The following PIAS2 variants were observed in gnomAD, a reference collection of about 807,000 sequenced individuals.
PIAS2 encodes the protein protein inhibitor of activated STAT 2.
Under a neutral mutation model 69.7 loss-of-function variants are expected in PIAS2, and 19 were observed. The ratio of observed to expected loss-of-function variants is 0.27; its 90% CI spans 0.19 to 0.40. The LOEUF is 0.40. PIAS2 is among the 10% of genes least tolerant of loss of function. The pLI is 1.00. For missense variants in PIAS2, 624 were observed against 757.0 expected (o/e 0.82, Z 2.06); for synonymous variants, 261 against 263.2 (o/e 0.99, Z 0.08).
chr18:46,885,535 A>G (rs1009467828), intron 2 of PIAS2, among the ~76,000 whole-genome samples: 1 of 151,404 alleles, frequency 6.6e-6, no homozygotes, highest in Non-Finnish European at 1.5e-5. Flanking sequence ...AAAAAAAAAG[A>G]AAAAAAAGAG....
At chr18:46,822,791 G>A (rs969782195) in intron 11 of PIAS2, among the ~76,000 whole-genome samples, 3 of 152,156 alleles carry the variant, frequency 2.0e-5, no homozygotes, top group Admixed American at 2.0e-4. Context: ...TGGGGTATAC[G>A]TGAGTGCTGG....
At chr18:46,846,985 A>G (rs2046251541) in intron 5 of PIAS2, 144 bp from the exon 6 acceptor site, 2 of 601,384 alleles carry the variant, frequency 3.3e-6, no homozygotes. Context: ...TATGATCATT[A>G]TCAACCCAAA....
intron 1 of PIAS2, among the ~76,000 whole-genome samples, chr18:46,899,765 T>C (rs1290493603): frequency 1.3e-5 from 2 of 152,216 alleles, no homozygotes; most frequent in Non-Finnish European, 2.9e-5. Flanking sequence ...AGAATGAGTA[T>C]TAAAATCACA....
chr18:46,870,131 C>T (rs2050105006), intron 2 of PIAS2, among the ~76,000 whole-genome samples: 1 of 152,090 alleles, frequency 6.6e-6, no homozygotes, highest in Non-Finnish European at 1.5e-5. Context: ...ACGTCTGAGT[C>T]TATGCCTCCT....
At chr18:46,892,954 A>G (rs2054285780) in intron 1 of PIAS2, among the ~76,000 whole-genome samples, 1 of 152,068 alleles carries the variant, frequency 6.6e-6, no homozygotes, top group African/African-American at 2.4e-5. Context: ...TTACACTTAC[A>G]ATACATCTAA....
In PIAS2 at chr18:46,804,011, T is replaced by C. The variant is rs2040580703; in HGVS notation, c.*8422A>G. ...CCTACCCTAAACATGCACCTCCTTC[T>C]GTTTTCCTCTCTTGGTGAATGCTTA... On this transcript the variant is annotated 3_prime_UTR_variant, in exon 14 of 14. Transcript: ENST00000585916. 1 of 152,228 alleles carries C rather than the reference T, an allele frequency of 6.6e-6. No homozygotes were observed. Among genetic ancestry groups the C allele is most frequent in the Admixed American group, 6.5e-5 (1 of 15,282 alleles). 9.4% of individuals were successfully genotyped at this position (152,228 alleles called of 1,614,324 possible). A position where few individuals can be genotyped will look rare whatever the true frequency, so the allele number is the denominator to read the frequency against.
Position 46,835,837 on chromosome 18 carries a change from A to G in PIAS2, c.1202+520T>C, listed in dbSNP as rs191263279. Among the ~76,000 whole-genome samples the G allele has an allele frequency of 3.7e-4, 57 of 152,324 alleles. No individual in the cohort carries two copies. In the East Asian group the frequency reaches 0.01, roughly 27 times the overall value. On this transcript the variant is annotated intron_variant, in intron 9 of 13. Transcript: ENST00000585916. ...GATGACGTGCAATTTTTAAAAAAGT[A>G]TTATTTGAAACAAGATACTAAAAAT...
intron 11 of PIAS2, among the ~76,000 whole-genome samples, chr18:46,824,391 C>T (rs914441609): frequency 1.3e-5 from 2 of 152,126 alleles, no homozygotes; most frequent in Non-Finnish European, 2.9e-5. Flanking sequence ...TGTTTCCTGT[C>T]TTTAGAATAC....
At chr18:46,869,092 C>T (rs1315714135) in intron 2 of PIAS2, among the ~76,000 whole-genome samples, 2 of 152,190 alleles carry the variant, frequency 1.3e-5, no homozygotes, top group East Asian at 1.9e-4. Context: ...ACAAAGCAAG[C>T]GTGGAGTCTG....
intron 2 of PIAS2, among the ~76,000 whole-genome samples, chr18:46,864,678 G>A (rs1237000412): frequency 2.0e-5 from 3 of 151,334 alleles, no homozygotes; most frequent in African/African-American, 4.9e-5. Flanking sequence ...GCGGAGGCAG[G>A]AGAATCACTT....
intron 2 of PIAS2, among the ~76,000 whole-genome samples, chr18:46,889,036 C>G (rs1270483931): frequency 6.6e-6 from 1 of 152,120 alleles, no homozygotes; most frequent in Non-Finnish European, 1.5e-5. Flanking sequence ...TATCCACAAA[C>G]AAAAGAACAA....
At chr18:46,920,093 A>G (rs2058453075), upstream of PIAS2, 8 of 1,289,710 alleles carry the variant, frequency 6.2e-6, no homozygotes, top group Non-Finnish European at 8.1e-6. Flanking sequence ...CCCAGCATTC[A>G]TTCTGCCCCT....
intron 12 of PIAS2, chr18:46,816,339 A>G (rs1205578470): frequency 8.3e-6 from 8 of 961,072 alleles, no homozygotes; most frequent in Non-Finnish European, 3.7e-6. Context: ...ATTTAAGTAT[A>G]TTTATTCTCT....
chr18:46,900,922 C>T (rs544216476), intron 1 of PIAS2: 8 of 280,436 alleles, frequency 2.9e-5, no homozygotes, highest in Admixed American at 5.3e-5. Context: ...TGCGGTGAGC[C>T]GACGTCGTGC....
chr18:46,886,066 C>T (rs958846947), intron 2 of PIAS2, among the ~76,000 whole-genome samples: 7 of 152,194 alleles, frequency 4.6e-5, no homozygotes, highest in African/African-American at 1.7e-4. Flanking sequence ...CCATGTCTCC[C>T]TCTTGGAGTA....
rs968478695 is a variant in PIAS2, at chr18:46,808,811, C to T, written c.*3622G>A. On this transcript the variant is annotated 3_prime_UTR_variant, in exon 14 of 14. Coordinates refer to ENST00000585916, the MANE Select transcript of PIAS2 (RefSeq NM_004671.5). ...AATGTTTACTAAAGAAAGAATGGTC[C>T]GGCTAAGTGCTTTTTTTTTTTTTTT... is the stretch of plus-strand genomic sequence containing the variant. 6.9e-5 allele frequency: 10 copies of T among 145,328 alleles called. No individual in the cohort carries two copies. Among genetic ancestry groups the T allele is most frequent in the South Asian group, 2.2e-4 (1 of 4,650 alleles). 9.0% of individuals were successfully genotyped at this position (145,328 alleles called of 1,614,324 possible). A position where few individuals can be genotyped will look rare whatever the true frequency, so the allele number is the denominator to read the frequency against.
Position 46,806,989 on chromosome 18 carries a change from C to T in PIAS2, c.*5444G>A, listed in dbSNP as rs2040717366. On this transcript the variant is annotated 3_prime_UTR_variant, in exon 14 of 14. Transcript: ENST00000585916. ...AGCAATCTGTTTTTTTCTTTCCCTG[C>T]AGCTACCCTTATTGGAAACATAAGG... The T allele has an allele frequency of 6.6e-6, 1 of 152,042 alleles. No homozygotes were observed. Among genetic ancestry groups the T allele is most frequent in the Admixed American group, 6.5e-5 (1 of 15,274 alleles). The allele number at this position is 152,042 out of a possible 1,614,324, so 9.4% of individuals were successfully genotyped here. A position where few individuals can be genotyped will look rare whatever the true frequency, so the allele number is the denominator to read the frequency against.
At chr18:46,854,083 A>AG (rs2047381676) in intron 5 of PIAS2, among the ~76,000 whole-genome samples, 1 of 152,208 alleles carries the variant, frequency 6.6e-6, no homozygotes, top group South Asian at 2.1e-4. Flanking sequence ...CTAAGTCCAC[A>AG]GGCTGTGTAT....
intron 3 of PIAS2, among the ~76,000 whole-genome samples, chr18:46,861,736 C>T (rs1206367734): frequency 2.6e-5 from 4 of 152,090 alleles, no homozygotes; most frequent in Non-Finnish European, 5.9e-5. Flanking sequence ...CAAAGTGTCA[C>T]GCTGTGAAAG....
Sources: gnomAD v4.1 joint callset for allele counts (sites outside exome capture counted in the v4.1 genomes callset) on GRCh38, gnomAD v4.1.1 for gene constraint, MANE v1.5 for transcripts, NCBI Gene and HGNC (gene_info 2026-07-23, HGNC 2026-07-21) for gene names.